The following GJC1 variants were observed in gnomAD, a reference collection of about 807,000 sequenced individuals.
The protein encoded by GJC1 is gap junction gamma-1 protein.
Under a neutral mutation model 29.3 loss-of-function variants are expected in GJC1, and 5 were observed. The observed-to-expected ratio is 0.17, with a 90% CI of 0.09 to 0.36. The LOEUF (loss-of-function observed/expected upper bound fraction) is 0.36, where lower values mean the gene tolerates loss of function less well. Ranked by LOEUF, GJC1 falls within the 10% of genes least tolerant of loss-of-function variation. The pLI is 1.00. For synonymous variants in GJC1, 177 were observed against 183.3 expected (o/e 0.97, Z 0.28); for missense variants, 310 against 496.2 (o/e 0.62, Z 3.56).
intron 1 of GJC1, among the ~76,000 whole-genome samples, chr17:44,819,692 AAATAAATAAAT>A (rs2050086586): frequency 3.3e-5 from 5 of 151,288 alleles, no homozygotes; most frequent in Admixed American, 1.3e-4. Flanking sequence ...ATAAATAAAT[AAATAAATAAAT>A]AAAAAGAATT....
chr17:44,830,557 C>G (rs1314276154), upstream of GJC1: 3 of 398,092 alleles, frequency 7.5e-6, no homozygotes, highest in South Asian at 2.6e-4. The surrounding 1 kb of genome is among the most constrained non-coding windows in gnomAD (Gnocchi z 4.3). Context: ...TTCTTCCAAG[C>G]TGATTTTCGG....
At chr17:44,825,826 T>C (rs1256335173) in intron 1 of GJC1, among the ~76,000 whole-genome samples, 5 of 152,094 alleles carry the variant, frequency 3.3e-5, no homozygotes, top group African/African-American at 1.2e-4. Flanking sequence ...CAGAATGCTT[T>C]TGTCCAAATT....
At chr17:44,821,219 T>A (rs1412421101) in intron 1 of GJC1, among the ~76,000 whole-genome samples, 1 of 152,166 alleles carries the variant, frequency 6.6e-6, no homozygotes, top group Non-Finnish European at 1.5e-5. Context: ...ATATCCTAAG[T>A]GGAACTGTCT....
chr17:44,823,403 C>T (rs2050135142), intron 1 of GJC1, among the ~76,000 whole-genome samples: 1 of 151,828 alleles, frequency 6.6e-6, no homozygotes, highest in African/African-American at 2.4e-5. Flanking sequence ...AGGTGTGTGC[C>T]ACCAGGCCCA....
intron 1 of GJC1, among the ~76,000 whole-genome samples, chr17:44,818,936 C>T (rs1455719875): frequency 2.0e-5 from 3 of 151,862 alleles, no homozygotes; most frequent in Non-Finnish European, 4.4e-5. Context: ...GGCGAGACCC[C>T]GTCTCTATTT....
intron 1 of GJC1, among the ~76,000 whole-genome samples, chr17:44,821,831 T>G (rs117187583): frequency 0.013 from 1,900 of 151,936 alleles, 20 homozygotes; most frequent in Non-Finnish European, 0.019. Context: ...TTTAAAGTGC[T>G]TATATCCTTT....
chr17:44,804,317 C>A lies in GJC1; in HGVS notation c.*310G>T. On this transcript the variant is annotated 3_prime_UTR_variant, in exon 3 of 3. Transcript: ENST00000592524. ...TCTCATACTAAAAAAAAAAAAGTAC[C>A]ATAATACTGTACATACAAAAACTGT... The A allele has an allele frequency of 1.2e-5, 3 of 253,738 alleles. No individual in the cohort carries two copies. The highest frequency in any genetic ancestry group is 4.9e-5 in the Admixed American group (1 of 20,274). 15.7% of individuals were successfully genotyped at this position (253,738 alleles called of 1,614,324 possible). A position where few individuals can be genotyped will look rare whatever the true frequency, so the allele number is the denominator to read the frequency against.
chr17:44,806,671 G>A (rs1224397104), intron 2 of GJC1, among the ~76,000 whole-genome samples: 1 of 151,998 alleles, frequency 6.6e-6, no homozygotes, highest in Non-Finnish European at 1.5e-5. Flanking sequence ...TTACAGGCGT[G>A]AACCACCATG....
At chr17:44,827,456 G>C (rs961720862) in intron 1 of GJC1, among the ~76,000 whole-genome samples, 1 of 152,120 alleles carries the variant, frequency 6.6e-6, no homozygotes, top group Non-Finnish European at 1.5e-5. Context: ...TCAGAAATAA[G>C]TAATCATACC....
intron 1 of GJC1, among the ~76,000 whole-genome samples, chr17:44,809,633 CG>C (rs1242714076): frequency 1.3e-5 from 2 of 150,464 alleles, no homozygotes; most frequent in Non-Finnish European, 1.5e-5. Flanking sequence ...TGCAATGGCG[CG>C]ATCTTGGCTC....
At chr17:44,830,620 C>G (rs1208968723), upstream of GJC1, 3 of 398,694 alleles carry the variant, frequency 7.5e-6, no homozygotes, top group Middle Eastern at 6.3e-4. This position sits in a 1 kb window ranked among gnomAD's most constrained non-coding sequence, Gnocchi z 4.3. Context: ...CTAACGGCGC[C>G]GTGGGTTCTC....
At chr17:44,821,570 G>A (rs1021596352) in intron 1 of GJC1, among the ~76,000 whole-genome samples, 7 of 151,728 alleles carry the variant, frequency 4.6e-5, no homozygotes, top group Admixed American at 1.3e-4. Context: ...GGTGGCACAC[G>A]CCTGTAATCT....
rs1162077867 is a variant in GJC1 at position 44,825,188 on chromosome 17, C to CAAAAA, written c.-97+4869_-97+4873dup. On this transcript the variant is annotated intron_variant, in intron 1 of 2. Coordinates refer to ENST00000592524, the MANE Select transcript of GJC1 (RefSeq NM_005497.4). ...ACAGAACAAGACTCTGTCTCAATTACAAAAAAAAAAAAAAAAAAAAAAAAA... is the reference window on the plus strand; with the variant it reads ...ACAGAACAAGACTCTGTCTCAATTACAAAAAAAAAAAAAAAAAAAAAAAAAAAAAA... 5.0e-3 allele frequency among the ~76,000 whole-genome samples: 229 copies of CAAAAA among 45,988 alleles called. 35 individuals carry two copies. The highest frequency in any genetic ancestry group is 0.019 in the African/African-American group (182 of 9,784). The allele number at this position is 45,988 out of a possible 152,430, so 30.2% of individuals were successfully genotyped here. A position where few individuals can be genotyped will look rare whatever the true frequency, so the allele number is the denominator to read the frequency against.
In GJC1 at chr17:44,823,716, CT is replaced by C. The variant is rs138768045; in HGVS notation, c.-97+6345del. 1.9e-3 allele frequency among the ~76,000 whole-genome samples: 272 copies of C among 142,988 alleles called. 1 individual carries two copies. Among genetic ancestry groups the C allele is most frequent in the East Asian group, 4.9e-3 (24 of 4,908 alleles). 93.8% of individuals were successfully genotyped at this position (142,988 alleles called of 152,430 possible). ...CCATGCCTGGCCTTTCTTTCCTTTCCTTTTTTTTTTTTTGAGATGGAGTCTT... is the reference window on the plus strand; with the variant it reads ...CCATGCCTGGCCTTTCTTTCCTTTCCTTTTTTTTTTTTGAGATGGAGTCTT... On this transcript the variant is annotated intron_variant, in intron 1 of 2. Coordinates refer to ENST00000592524, the MANE Select transcript of GJC1 (RefSeq NM_005497.4).
At chr17:44,821,706 AAAAAAAAAAAAAAAAAAAACAAC>A (rs2050108508) in intron 1 of GJC1, among the ~76,000 whole-genome samples, 3 of 69,758 alleles carry the variant, frequency 4.3e-5, no homozygotes, top group African/African-American at 1.2e-4. Context: ...TCAAAAAAAA[AAAAAAAAAAAAAAAAAAAACAAC>A]AAAAAAACAC....
At chr17:44,795,790 C>T (rs919797685), downstream of GJC1, among the ~76,000 whole-genome samples, 6 of 152,222 alleles carry the variant, frequency 3.9e-5, no homozygotes, top group East Asian at 7.7e-4. Flanking sequence ...CGTCTATAGG[C>T]GGCTTGTGTT....
intron 1 of GJC1, chr17:44,829,455 GAGGCGATGAGCCC>G (rs2050206755): frequency 6.6e-6 from 1 of 152,224 alleles, no homozygotes; most frequent in South Asian, 2.1e-4. Context: ...AGTTAATCAG[GAGGCGATGAGCCC>G]AGTCCTTCCG....
At chr17:44,823,269 T>C (rs866757912) in intron 1 of GJC1, among the ~76,000 whole-genome samples, 85 of 149,374 alleles carry the variant, frequency 5.7e-4, no homozygotes, top group African/African-American at 2.0e-3. Flanking sequence ...TTTTTTTTTT[T>C]TAAGACGGAG....
At chr17:44,821,435 T>C (rs1015760586) in intron 1 of GJC1, among the ~76,000 whole-genome samples, 3 of 151,904 alleles carry the variant, frequency 2.0e-5, no homozygotes, top group African/African-American at 7.3e-5. Context: ...CGGTGGCTCA[T>C]GCCTGTAATC....
Sources: allele counts gnomAD v4.1 joint callset (sites outside exome capture counted in the v4.1 genomes callset), GRCh38; gene constraint gnomAD v4.1.1; non-coding constraint Gnocchi (gnomAD v3.1); transcripts MANE v1.5; gene names NCBI Gene and HGNC (gene_info 2026-07-23, HGNC 2026-07-21).